Variants in ZNF600 observed in about 807,000 individuals in gnomAD.
The protein encoded by ZNF600 is zinc finger protein KR-ZNF1.
Under a neutral mutation model 7.3 loss-of-function variants are expected in ZNF600, and 4 were observed. That is an observed-to-expected ratio of 0.55 (90% CI 0.27 to 1.25). ZNF600 has a LOEUF of 1.25. ZNF600 is among the 50% of genes most tolerant of loss of function. The pLI is 0.12. For missense variants in ZNF600, 911 were observed against 922.1 expected (o/e 0.99, Z 0.16); for synonymous variants, 290 against 308.9 (o/e 0.94, Z 0.64).
chr19:52,795,880 T>C, the ZNF600 span, among the ~76,000 whole-genome samples: 101,278 of 144,954 alleles, frequency 0.7, 36,622 homozygotes, highest in Non-Finnish European at 0.81. Context: ...TTTTTTTTTT[T>C]AATTAAGAAA....
chr19:52,812,342 G>A, the ZNF600 span, among the ~76,000 whole-genome samples: 12 of 141,854 alleles, frequency 8.5e-5, no homozygotes, highest in East Asian at 2.0e-3. Flanking sequence ...GGGTGGGGAA[G>A]AAATTGAGAA....
At chr19:52,793,764 C>CCACACACACACACA in the ZNF600 span, among the ~76,000 whole-genome samples, 2 of 138,730 alleles carry the variant, frequency 1.4e-5, no homozygotes, top group Admixed American at 7.5e-5. Context: ...CCAAACTCTG[C>CCACACACACACACA]CACACACACA....
chr19:52,766,859 C>T, exon 4 of ZNF600: 1 of 1,614,184 alleles, frequency 6.2e-7, no homozygotes, highest in Non-Finnish European at 8.5e-7. Flanking sequence ...TGTAAGGTTT[C>T]TCTCCAGTAT....
chr19:52,832,747 T>C, the ZNF600 span, among the ~76,000 whole-genome samples: 4,663 of 152,202 alleles, frequency 0.031, 114 homozygotes, highest in Non-Finnish European at 0.045. Context: ...AGAACTAAGC[T>C]ACAGAGCGAC....
the ZNF600 span, chr19:52,805,989 ATAAAG>A: frequency 1.3e-5 from 2 of 152,200 alleles, no homozygotes; most frequent in South Asian, 2.1e-4. Flanking sequence ...TCATAAATAC[ATAAAG>A]TAATTAATTA....
upstream of ZNF600, among the ~76,000 whole-genome samples, chr19:52,789,850 C>T (rs913431287): frequency 2.6e-5 from 4 of 152,062 alleles, no homozygotes; most frequent in African/African-American, 7.2e-5. Flanking sequence ...TGGGTGCAGG[C>T]GGGCTGAGTC....
At chr19:52,798,852 CAA>C in the ZNF600 span, 14 of 1,254,208 alleles carry the variant, frequency 1.1e-5, no homozygotes, top group Non-Finnish European at 1.4e-5. Context: ...TTATATTAGT[CAA>C]GTTTCCCTAT....
chr19:52,778,757 G>T, intron 2 of ZNF600, 69 bp downstream of exon 4: 1 of 1,536,604 alleles, frequency 6.5e-7, no homozygotes, highest in African/African-American at 1.4e-5. Context: ...AGAAAAGACT[G>T]GCTGCTACAA....
At chr19:52,787,872 G>A (rs28602741), upstream of ZNF600, among the ~76,000 whole-genome samples, 1,368 of 53,330 alleles carry the variant, frequency 0.026, 38 homozygotes, top group African/African-American at 0.044. Flanking sequence ...AAAAAAAAAA[G>A]AAAAAGAAAA....
At chr19:52,789,538 C>T (rs2062786172), upstream of ZNF600, among the ~76,000 whole-genome samples, 2 of 152,194 alleles carry the variant, frequency 1.3e-5, no homozygotes, top group Admixed American at 1.3e-4. Context: ...GGGCAACCCA[C>T]CTCTTCACCA....
chr19:52,822,194 T>A, the ZNF600 span, among the ~76,000 whole-genome samples: 1 of 147,188 alleles, frequency 6.8e-6, no homozygotes, highest in Non-Finnish European at 1.5e-5. Flanking sequence ...TGCCTCAGCC[T>A]CCGGAGTAGC....
chr19:52,780,283 G>A (rs7259032), intron 1 of ZNF600, among the ~76,000 whole-genome samples: 20,889 of 152,180 alleles, frequency 0.14, 2,202 homozygotes, highest in African/African-American at 0.28. Flanking sequence ...CACAGCTGCA[G>A]TGTCAAATGA....
At chr19:52,800,722 T>TTGC in the ZNF600 span, 58 of 1,613,816 alleles carry the variant, frequency 3.6e-5, no homozygotes, top group Admixed American at 7.7e-4. Context: ...GTATGAAGCC[T>TTGC]ACGATGGCGT....
the ZNF600 span, chr19:52,809,800 A>C: frequency 9.9e-6 from 5 of 506,568 alleles, no homozygotes; most frequent in East Asian, 1.0e-4. Context: ...GCGAAAAAAA[A>C]GGAGCCCAGT....
chr19:52,769,691 C>T (rs948772842), intron 3 of ZNF600, among the ~76,000 whole-genome samples: 4 of 152,222 alleles, frequency 2.6e-5, no homozygotes, highest in Admixed American at 6.5e-5. Context: ...CTCTCATCTC[C>T]GCATAGAGAG....
the ZNF600 span, among the ~76,000 whole-genome samples, chr19:52,826,640 A>C: frequency 1.3e-5 from 2 of 152,206 alleles, no homozygotes; most frequent in East Asian, 3.9e-4. Context: ...CGGGAGGCAG[A>C]GGTTGCAGTG....
chr19:52,806,651 C>G, the ZNF600 span, among the ~76,000 whole-genome samples: 2 of 147,070 alleles, frequency 1.4e-5, no homozygotes, highest in South Asian at 2.2e-4. Context: ...CCTACGGTCC[C>G]AGTGTTTTGG....
the ZNF600 span, among the ~76,000 whole-genome samples, chr19:52,820,223 T>A: frequency 7.8e-6 from 1 of 128,342 alleles, no homozygotes; most frequent in Non-Finnish European, 1.6e-5. Flanking sequence ...GTTCACGCCA[T>A]TCTCCTGCCT....
the ZNF600 span, among the ~76,000 whole-genome samples, chr19:52,811,630 G>A: frequency 1.2e-4 from 18 of 145,436 alleles, no homozygotes; most frequent in African/African-American, 4.9e-4. Context: ...CGCCCCGTCT[G>A]AGAAGTGAGG....
Sources: gnomAD v4.1 joint callset for allele counts (sites outside exome capture counted in the v4.1 genomes callset) on GRCh38, gnomAD v4.1.1 for gene constraint, MANE v1.5 for transcripts, NCBI Gene and HGNC (gene_info 2026-07-23, HGNC 2026-07-21) for gene names.